Variants in MICB observed in about 807,000 individuals in gnomAD.
MICB encodes MHC class I antigen-related protein B.
MICB carries 27 observed loss-of-function variants against 34.3 expected under a neutral mutation model. The observed-to-expected ratio is 0.79, with a 90% CI of 0.58 to 1.08. MICB has a LOEUF of 1.08. MICB is among the 50% of genes least tolerant of loss of function. The probability of loss-of-function intolerance (pLI) is 0.00; values close to 1 mark genes in which losing one functional copy is unlikely to be tolerated. For missense variants in MICB, 426 were observed against 483.1 expected (o/e 0.88, Z 1.11); for synonymous variants, 153 against 187.4 (o/e 0.82, Z 1.50).
Position 31,505,678 on chromosome 6 carries a change from G to T in MICB, c.132G>T (p.Gly44=), listed in dbSNP as rs369812963. 6.8e-6 allele frequency: 11 copies of T among 1,612,854 alleles called. No homozygotes were observed. The highest frequency in any genetic ancestry group is 4.0e-5 in the African/African-American group (3 of 74,908). Residue 44 remains glycine (G), a synonymous_variant, in exon 2 of 6, where the codon GGG becomes GGT. Coordinates refer to ENST00000252229, the MANE Select transcript of MICB (RefSeq NM_005931.5). ...VLSQDGSVQS[G]FLAEGHLDGQ... Reference sequence around the variant, plus strand: ...CCCAGGATGGATCTGTGCAGTCAGGGTTTCTCGCTGAGGGACATCTGGATG... The same window carrying T: ...CCCAGGATGGATCTGTGCAGTCAGGTTTTCTCGCTGAGGGACATCTGGATG...
At chr6:31,508,714 G>A (rs1765497137) in intron 5 of MICB, among the ~76,000 whole-genome samples, 1 of 152,190 alleles carries the variant, frequency 6.6e-6, no homozygotes, top group African/African-American at 2.4e-5. Context: ...CAGGAAAAGG[G>A]TATGAAATTC....
Position 31,506,603 on chromosome 6 carries a change from C to A in MICB, c.613+173C>A, listed in dbSNP as rs1765346014. ...GAGCCATTGGATAAAGACAGTGGGT[C>A]TGGGACTGAACTGTCCAGTGTTGTA... On this transcript the variant is annotated intron_variant, in intron 3 of 5. Transcript: ENST00000252229. 6.6e-6 allele frequency among the ~76,000 whole-genome samples: 1 copy of A among 152,222 alleles called. No homozygotes were observed. Among genetic ancestry groups the A allele is most frequent in the Non-Finnish European group, 1.5e-5 (1 of 68,038 alleles).
chr6:31,495,790 G>C (rs534624641), upstream of MICB, among the ~76,000 whole-genome samples: 1 of 152,246 alleles, frequency 6.6e-6, no homozygotes, highest in South Asian at 2.1e-4. Context: ...AAGAGGCTGT[G>C]GTGGGAGGAT....
intron 1 of MICB, among the ~76,000 whole-genome samples, chr6:31,504,637 G>T: frequency 9.0e-6 from 1 of 110,500 alleles, no homozygotes; most frequent in East Asian, 2.9e-4. Flanking sequence ...TTCTCACTCT[G>T]ATTGTGCCCT....
At chr6:31,506,539 C>T in intron 3 of MICB, 109 bp downstream of exon 3, 2 of 1,237,450 alleles carry the variant, frequency 1.6e-6, no homozygotes, top group Non-Finnish European at 2.2e-6. Context: ...GCAGGCGTTT[C>T]CTGTTGGCAT....
At chr6:31,497,800 G>T (rs910586040), upstream of MICB, among the ~76,000 whole-genome samples, 30 of 152,182 alleles carry the variant, frequency 2.0e-4, no homozygotes, top group Non-Finnish European at 4.1e-4. Context: ...GCTTGGTGAA[G>T]CCCGCGCTCC....
chr6:31,508,439 G>A (rs1282323000), intron 5 of MICB, among the ~76,000 whole-genome samples: 2 of 152,228 alleles, frequency 1.3e-5, no homozygotes, highest in African/African-American at 4.8e-5. Flanking sequence ...GGGTGTCCAG[G>A]AGACCTGAGT....
intron 2 of MICB, 83 bp downstream of exon 2, chr6:31,505,954 C>A: frequency 6.7e-7 from 1 of 1,502,930 alleles, no homozygotes; most frequent in Non-Finnish European, 8.9e-7. Context: ...TCTCTTCCCG[C>A]TGGATCTGGC....
chr6:31,507,678 CTG>C lies in MICB; in HGVS notation c.1024+148_1024+149del. ...GGGGTATTTGGGAGGGGAATGGGAGCTGCATCTCCATCTACACCCATAAGTGC... is the reference window on the plus strand; with the variant it reads ...GGGGTATTTGGGAGGGGAATGGGAGCCATCTCCATCTACACCCATAAGTGC... On this transcript the variant is annotated intron_variant, in intron 5 of 5. Coordinates refer to ENST00000252229, the MANE Select transcript of MICB (RefSeq NM_005931.5). This position sits in a 1 kb window ranked among gnomAD's most constrained non-coding sequence, Gnocchi z 6.0. 1 of 964,666 alleles carries C rather than the reference CTG, an allele frequency of 1.0e-6. No homozygotes were observed. Among genetic ancestry groups the C allele is most frequent in the Non-Finnish European group, 1.5e-6 (1 of 652,400 alleles). 59.8% of individuals were successfully genotyped at this position (964,666 alleles called of 1,614,324 possible). A position where few individuals can be genotyped will look rare whatever the true frequency, so the allele number is the denominator to read the frequency against.
chr6:31,498,079 C>T, upstream of MICB: 3 of 767,360 alleles, frequency 3.9e-6, no homozygotes, highest in Non-Finnish European at 3.9e-6. Context: ...TCAGTTTTCA[C>T]TGGATAAGCG....
chr6:31,506,204 C>T lies in MICB; in HGVS notation c.387C>T (p.Gly129=). The change falls in exon 3 of 6, where the codon GGC becomes GGT. Residue 129 remains glycine, a synonymous_variant. Coordinates refer to ENST00000252229, the MANE Select transcript of MICB (RefSeq NM_005931.5). Reference sequence around the variant, plus strand: ...TCCATGAAGACAGCAGCACCAGGGGCTCCCGGCATTTCTACTACGATGGGG... The same window carrying T: ...TCCATGAAGACAGCAGCACCAGGGGTTCCCGGCATTTCTACTACGATGGGG... ...CEIHEDSSTR[G]SRHFYYDGEL... is the part of the protein sequence containing the mutation. 6.2e-7 allele frequency: 1 copy of T among 1,614,158 alleles called. No individual in the cohort carries two copies. The highest frequency in any genetic ancestry group is 8.5e-7 in the Non-Finnish European group (1 of 1,180,006).
chr6:31,509,573 C>T (rs1765547531), intron 5 of MICB, among the ~76,000 whole-genome samples: 1 of 151,938 alleles, frequency 6.6e-6, no homozygotes, highest in South Asian at 2.1e-4. Flanking sequence ...GTGGTGGGCA[C>T]AGGACAGGGG....
At position 31,507,221 on chromosome 6, in the gene MICB, G is replaced by T; in HGVS notation, c.813G>T (p.Arg271Ser). The change falls in exon 4 of 6, where the codon AGG (arginine) becomes AGT (serine). Residue 271 changes from arginine to serine, a missense_variant. Arg to Ser is a moderately radical substitution (Grantham distance 110). Transcript: ENST00000252229. This position sits in a 1 kb window ranked among gnomAD's most constrained non-coding sequence, Gnocchi z 6.0. ...CCTACCAGACCTGGGTGGCCACCAG[G>T]ATTCGCCAAGGAGAGGAGCAGAGGT... is the stretch of plus-strand genomic sequence containing the variant. ...NGTYQTWVAT[R>S]IRQGEEQRFT... 2 of 1,614,114 alleles carry T rather than the reference G, an allele frequency of 1.2e-6. No homozygotes were observed. Among genetic ancestry groups the T allele is most frequent in the Non-Finnish European group, 8.5e-7 (1 of 1,180,016 alleles).
At chr6:31,498,325 G>C (rs1409621428) in intron 1 of MICB, 62 bp downstream of exon 1, 1 of 1,410,680 alleles carries the variant, frequency 7.1e-7, no homozygotes, top group Non-Finnish European at 9.5e-7. Flanking sequence ...CCGGGGGTCC[G>C]GGTGGGTTGC....
chr6:31,498,255 C>T lies in MICB; in HGVS notation c.62C>T (p.Ala21Val). ...GCCTTCCCTTTTGCACCCCCGGCAG[C>T]CGCCGCTGGTGAGTGGGGTTCCTGG... ...AVAFPFAPPA[A>V]AAEPHSLRYN... Residue 21 changes from alanine (A) to valine (V), a missense_variant, in exon 1 of 6, where the codon GCC becomes GTC. Physicochemically the swap from Ala to Val is moderately conservative, Grantham distance 64. Transcript: ENST00000252229. The T allele has an allele frequency of 1.3e-6, 2 of 1,571,670 alleles. No individual in the cohort carries two copies. The highest frequency in any genetic ancestry group is 1.7e-6 in the Non-Finnish European group (2 of 1,156,536).
upstream of MICB, chr6:31,498,104 C>T: frequency 1.9e-6 from 2 of 1,070,502 alleles, no homozygotes; most frequent in African/African-American, 1.7e-5. Context: ...CTGAGCGGGG[C>T]GCAGGTGACT....
In MICB at chr6:31,507,334, C is replaced by G; in HGVS notation, c.892+34C>G. ...GGGGTGACCCTGGAGAGGGTCAGGC[C>G]AGGGTAGGAACAGCAAGGACGGCTG... On this transcript the variant is annotated intron_variant, in intron 4 of 5. Transcript: ENST00000252229. The surrounding 1 kb of genome is among the most constrained non-coding windows in gnomAD (Gnocchi z 6.0). 1 of 1,612,778 alleles carries G rather than the reference C, an allele frequency of 6.2e-7. No homozygotes were observed.
At chr6:31,498,411 G>A in intron 1 of MICB, 148 bp downstream of exon 1, 1 of 381,818 alleles carries the variant, frequency 2.6e-6, no homozygotes, top group East Asian at 7.0e-5. Context: ...GCCTGTTCCC[G>A]CCACACCTCA....
rs759927804 is a variant in MICB at position 31,505,882 on chromosome 6, G to A, written c.325+11G>A. 5.7e-6 allele frequency: 9 copies of A among 1,589,224 alleles called. No individual in the cohort carries two copies. In the South Asian group the frequency reaches 9.0e-5, roughly 16 times the overall value. On this transcript the variant is annotated intron_variant, in intron 2 of 5. Transcript: ENST00000252229. ...AGGACCAGAAAGGAGGTGAGAGTCGGCAGGGGCAAGAGTAATGGGAGGCCT... is the reference window on the plus strand; with the variant it reads ...AGGACCAGAAAGGAGGTGAGAGTCGACAGGGGCAAGAGTAATGGGAGGCCT...
Sources: gnomAD v4.1 joint callset for allele counts (sites outside exome capture counted in the v4.1 genomes callset) on GRCh38, gnomAD v4.1.1 for gene constraint, Gnocchi (gnomAD v3.1) non-coding constraint, MANE v1.5 for transcripts, NCBI Gene and HGNC (gene_info 2026-07-23, HGNC 2026-07-21) for gene names.